C12orf42: variants seen among roughly 807,000 people sequenced by gnomAD.
The protein encoded by C12orf42 is chromosome 12 open reading frame 42.
Under a neutral mutation model 21.6 loss-of-function variants are expected in C12orf42, and 25 were observed. The observed-to-expected ratio is 1.16, with a 90% CI of 0.84 to 1.62. The LOEUF is 1.62. Ranked by LOEUF, C12orf42 falls within the 40% of genes most tolerant of loss-of-function variation. C12orf42 has a pLI of 0.00. For synonymous variants in C12orf42, 174 were observed against 175.0 expected (o/e 0.99, Z 0.05); for missense variants, 483 against 459.3 (o/e 1.05, Z -0.47).
intron 2 of C12orf42, among the ~76,000 whole-genome samples, chr12:103,467,549 C>T (rs899355793): frequency 9.2e-5 from 14 of 152,108 alleles, no homozygotes; most frequent in Admixed American, 9.2e-4. Context: ...CCTCAGGACC[C>T]GCTGGAGGGT....
At chr12:103,168,502 G>C in the C12orf42 span, among the ~76,000 whole-genome samples, 2 of 152,114 alleles carry the variant, frequency 1.3e-5, no homozygotes, top group African/African-American at 2.4e-5. Flanking sequence ...TTTACATAGT[G>C]AGCTTACACT....
At chr12:103,337,930 C>G (rs1399360766) in intron 4 of C12orf42, among the ~76,000 whole-genome samples, 1 of 152,190 alleles carries the variant, frequency 6.6e-6, no homozygotes, top group African/African-American at 2.4e-5. Flanking sequence ...CATTTCATCC[C>G]TTGATACTTC....
At chr12:103,463,603 T>C (rs529315082) in intron 2 of C12orf42, among the ~76,000 whole-genome samples, 4 of 151,590 alleles carry the variant, frequency 2.6e-5, no homozygotes, top group Non-Finnish European at 5.9e-5. Context: ...TTTTTTTCTA[T>C]TTTAAGTTCC....
Position 103,306,365 on chromosome 12 carries a change from T to C in C12orf42, c.260-20A>G. 1 of 1,562,550 alleles carries C rather than the reference T, an allele frequency of 6.4e-7. No homozygotes were observed. Among genetic ancestry groups the C allele is most frequent in the Non-Finnish European group, 8.7e-7 (1 of 1,154,346 alleles). On this transcript the variant is annotated intron_variant, in intron 4 of 5. Transcript: ENST00000548883. ...GAAATACTGTGAAAGGTAAATACAT[T>C]CGTTTGAAAAATTCACCAAAAACAC...
chr12:103,176,150 G>C, the C12orf42 span, among the ~76,000 whole-genome samples: 1 of 151,940 alleles, frequency 6.6e-6, no homozygotes, highest in Non-Finnish European at 1.5e-5. Context: ...CTAATTGTTT[G>C]CATCTCATCC....
At chr12:103,506,483 A>T in the C12orf42 span, among the ~76,000 whole-genome samples, 1 of 151,852 alleles carries the variant, frequency 6.6e-6, no homozygotes, top group African/African-American at 2.4e-5. Flanking sequence ...TCATAATTTT[A>T]CTGTACGTTT....
At chr12:103,471,085 A>G (rs1953564625) in intron 2 of C12orf42, among the ~76,000 whole-genome samples, 1 of 152,168 alleles carries the variant, frequency 6.6e-6, no homozygotes, top group African/African-American at 2.4e-5. Flanking sequence ...AAGAGGTGAA[A>G]TAGATCATGT....
At chr12:103,213,024 T>C in the C12orf42 span, among the ~76,000 whole-genome samples, 2 of 152,162 alleles carry the variant, frequency 1.3e-5, no homozygotes, top group Non-Finnish European at 2.9e-5. Context: ...ATTAAAGTTC[T>C]ACAATAATGA....
intron 2 of C12orf42, among the ~76,000 whole-genome samples, chr12:103,444,160 A>G (rs1951434348): frequency 6.6e-6 from 1 of 152,028 alleles, no homozygotes; most frequent in African/African-American, 2.4e-5. Flanking sequence ...ATAATTATTA[A>G]TGCCAACTTT....
intron 2 of C12orf42, among the ~76,000 whole-genome samples, chr12:103,429,054 G>A (rs1328859860): frequency 6.6e-6 from 1 of 152,142 alleles, no homozygotes; most frequent in Admixed American, 6.5e-5. Flanking sequence ...TCTGAAAACT[G>A]GCACAAGATA....
chr12:103,251,630 C>A (rs1429417452), intron 10 of C12orf42, among the ~76,000 whole-genome samples: 1 of 152,138 alleles, frequency 6.6e-6, no homozygotes, highest in Non-Finnish European at 1.5e-5. Context: ...ACCCTTATTA[C>A]CTCAACTAAT....
chr12:103,267,726 G>C (rs1452823138), downstream of C12orf42: 1 of 151,904 alleles, frequency 6.6e-6, no homozygotes. Context: ...GGGAGCAAGT[G>C]GGGTAAACTT....
At chr12:103,100,370 C>T in the C12orf42 span, among the ~76,000 whole-genome samples, 1,728 of 152,292 alleles carry the variant, frequency 0.011, 22 homozygotes, top group Non-Finnish European at 0.012. Context: ...GGCAGGATGG[C>T]GGGCTCCTGC....
At chr12:103,524,971 G>T in the C12orf42 span, among the ~76,000 whole-genome samples, 17 of 147,058 alleles carry the variant, frequency 1.2e-4, no homozygotes, top group African/African-American at 7.4e-5. Flanking sequence ...TTGGGGGGGG[G>T]GCAGGGGGGC....
the C12orf42 span, among the ~76,000 whole-genome samples, chr12:103,183,341 A>G: frequency 1.7e-3 from 266 of 152,316 alleles, no homozygotes; most frequent in African/African-American, 6.1e-3. Context: ...TGGCCTCCCA[A>G]AGTGCTGGGA....
the C12orf42 span, among the ~76,000 whole-genome samples, chr12:103,064,750 A>G: frequency 6.6e-6 from 1 of 151,754 alleles, no homozygotes; most frequent in African/African-American, 2.4e-5. Flanking sequence ...TATTGGGGAA[A>G]GGGAAATGAT....
chr12:103,279,963 A>G (rs1178771503), intron 4 of C12orf42, among the ~76,000 whole-genome samples: 1 of 152,194 alleles, frequency 6.6e-6, no homozygotes, highest in Non-Finnish European at 1.5e-5. Flanking sequence ...TAAAATATCC[A>G]TTTGTTGATC....
chr12:103,216,839 CT>C, the C12orf42 span, among the ~76,000 whole-genome samples: 2 of 151,634 alleles, frequency 1.3e-5, no homozygotes, highest in Non-Finnish European at 1.5e-5. Flanking sequence ...GACCTAATTT[CT>C]TTTTCTCTCT....
chr12:103,387,146 G>C (rs866495817), intron 3 of C12orf42, among the ~76,000 whole-genome samples: 1 of 152,162 alleles, frequency 6.6e-6, no homozygotes, highest in Admixed American at 6.5e-5. Context: ...ATGTACCCAC[G>C]TACCTGTCAC....
Sources: allele counts gnomAD v4.1 joint callset (sites outside exome capture counted in the v4.1 genomes callset), GRCh38; gene constraint gnomAD v4.1.1; transcripts MANE v1.5; gene names NCBI Gene and HGNC (gene_info 2026-07-23, HGNC 2026-07-21).